TP73: variants seen among roughly 807,000 people sequenced by gnomAD.
TP73 encodes the protein p53-like transcription factor.
A neutral mutation model predicts 62.5 loss-of-function variants in TP73; 25 were observed. The ratio of observed to expected loss-of-function variants is 0.40; its 90% confidence interval spans 0.29 to 0.56. The LOEUF is 0.56. TP73 is among the 20% of genes least tolerant of loss of function. The probability of loss-of-function intolerance (pLI) is 0.46; values close to 1 mark genes in which losing one functional copy is unlikely to be tolerated. For missense variants in TP73, 754 were observed against 913.3 expected (o/e 0.83, Z 2.25); for synonymous variants, 423 against 377.5 (o/e 1.12, Z -1.40).
Position 3,699,947 on chromosome 1 carries a change from C to G in TP73, c.187-7602C>G, listed in dbSNP as rs754836527. Reference sequence around the variant, plus strand: ...GCATGGCCAGACCGTGGGCTCGGGCCCCAGTCTCCTGATCTCCGCCAAGCC... The same window carrying G: ...GCATGGCCAGACCGTGGGCTCGGGCGCCAGTCTCCTGATCTCCGCCAAGCC... On this transcript the variant is annotated intron_variant, in intron 3 of 13. Coordinates refer to ENST00000378295, the MANE Select transcript of TP73 (RefSeq NM_005427.4). This position sits in a 1 kb window ranked among gnomAD's most constrained non-coding sequence, Gnocchi z 4.1. Among the ~76,000 whole-genome samples, 21 of 152,076 alleles carry G rather than the reference C, an allele frequency of 1.4e-4. No individual in the cohort carries two copies. The highest frequency in any genetic ancestry group is 2.9e-4 in the Non-Finnish European group (20 of 67,988).
intron 4 of TP73, among the ~76,000 whole-genome samples, chr1:3,717,836 A>G (rs566433193): frequency 2.2e-4 from 33 of 152,240 alleles, no homozygotes; most frequent in African/African-American, 7.9e-4. Context: ...ATCCTCCCCG[A>G]GGCCACCCAG....
chr1:3,680,199 C>T (rs923454289), intron 1 of TP73, among the ~76,000 whole-genome samples: 3 of 152,222 alleles, frequency 2.0e-5, no homozygotes, highest in African/African-American at 7.2e-5. Context: ...ATGAGGTTTT[C>T]AGGTCTCACC....
chr1:3,660,067 G>C (rs1644957840), intron 1 of TP73, among the ~76,000 whole-genome samples: 1 of 152,202 alleles, frequency 6.6e-6, no homozygotes, highest in Non-Finnish European at 1.5e-5. Flanking sequence ...ATAGTAAGTG[G>C]CCAGCTAGGC....
At chr1:3,719,920 G>GTT (rs1640933729) in intron 4 of TP73, among the ~76,000 whole-genome samples, 1 of 150,026 alleles carries the variant, frequency 6.7e-6, no homozygotes, top group Admixed American at 6.6e-5. Flanking sequence ...GTGTGTGTGT[G>GTT]TGTGTGTGTG....
Position 3,683,196 on chromosome 1 carries a change from G to T in TP73, c.186+16G>T, listed in dbSNP as rs766034421. 1.3e-6 allele frequency: 2 copies of T among 1,594,652 alleles called. No homozygotes were observed. Among genetic ancestry groups the T allele is most frequent in the Admixed American group, 1.7e-5 (1 of 59,532 alleles). ...ATCTGTCATGGTGAGTGGGGGGGCT[G>T]CCCTCTGCAAGAGGACTGGAGTGGG... On this transcript the variant is annotated intron_variant, in intron 3 of 13. Transcript: ENST00000378295.
intron 8 of TP73, 130 bp from the exon 9 acceptor site, chr1:3,727,999 G>A (rs1641814990): frequency 1.7e-6 from 2 of 1,197,642 alleles, no homozygotes; most frequent in Non-Finnish European, 2.3e-6. Flanking sequence ...GTCCCTGTGG[G>A]TTGCTCACCA....
chr1:3,682,987 T>C, intron 2 of TP73, 73 bp from the exon 3 acceptor site: 1 of 1,537,606 alleles, frequency 6.5e-7, no homozygotes, highest in Non-Finnish European at 8.8e-7. Context: ...AGCCTTGAGC[T>C]CTGGGCCTGG....
intron 9 of TP73, among the ~76,000 whole-genome samples, chr1:3,728,827 G>A (rs1273453300): frequency 2.6e-5 from 4 of 152,164 alleles, no homozygotes; most frequent in East Asian, 3.9e-4. Context: ...TTAGCTGGGC[G>A]TGGTGGTGGC....
intron 10 of TP73, 175 bp downstream of exon 10, chr1:3,729,623 T>C: frequency 8.2e-7 from 1 of 1,221,106 alleles, no homozygotes; most frequent in Non-Finnish European, 1.2e-6. Context: ...CTTCTAGCAC[T>C]TGGGGCTGCC....
rs1409440815 is a variant in TP73 at position 3,696,858 on chromosome 1, G to T, written c.187-10691G>T. Among the ~76,000 whole-genome samples the T allele has an allele frequency of 6.6e-6, 1 of 152,124 alleles. No individual in the cohort carries two copies. The highest frequency in any genetic ancestry group is 2.4e-5 in the African/African-American group (1 of 41,424). On this transcript the variant is annotated intron_variant, in intron 3 of 13. Transcript: ENST00000378295. The surrounding 1 kb of genome is among the most constrained non-coding windows in gnomAD (Gnocchi z 4.1). ...ATCAGAGGAGCCACCCCACTCACCCGCCTGCTGTGCCTAGTGCACGCCCGC... is the reference window on the plus strand; with the variant it reads ...ATCAGAGGAGCCACCCCACTCACCCTCCTGCTGTGCCTAGTGCACGCCCGC...
intron 3 of TP73, among the ~76,000 whole-genome samples, chr1:3,707,167 C>A (rs1639726347): frequency 6.6e-6 from 1 of 152,174 alleles, no homozygotes; most frequent in African/African-American, 2.4e-5. Context: ...GCTGGATCTC[C>A]CCACTTTGAG....
At chr1:3,685,090 G>A (rs3765714) in intron 3 of TP73, among the ~76,000 whole-genome samples, 4,712 of 152,232 alleles carry the variant, frequency 0.031, 131 homozygotes, top group South Asian at 0.092. Flanking sequence ...TGTCCCCTGA[G>A]ATCCAGAAGC....
At chr1:3,727,247 G>C in intron 7 of TP73, 23 bp downstream of exon 7, 1 of 1,605,592 alleles carries the variant, frequency 6.2e-7, no homozygotes, top group Non-Finnish European at 8.5e-7. Context: ...CACACGGGGT[G>C]GAGGTGGGAC....
Position 3,709,105 on chromosome 1 carries a change from G to A in TP73, c.429+1314G>A, listed in dbSNP as rs372346780. ...AGACTGTCAGGCTCTGCAGGTAGCC[G>A]GACAGTCCTGCCGGGCTGGTCTGGG... On this transcript the variant is annotated intron_variant, in intron 4 of 13. Coordinates refer to ENST00000378295, the MANE Select transcript of TP73 (RefSeq NM_005427.4). 1.1e-4 allele frequency among the ~76,000 whole-genome samples: 16 copies of A among 152,316 alleles called. No homozygotes were observed. In the East Asian group the frequency reaches 2.1e-3, roughly 20 times the overall value.
chr1:3,668,164 T>C (rs1381852119), intron 1 of TP73, among the ~76,000 whole-genome samples: 1 of 151,346 alleles, frequency 6.6e-6, no homozygotes, highest in Non-Finnish European at 1.5e-5. Context: ...GGAGGAGGAG[T>C]GCCTGCCAGG....
At chr1:3,686,770 G>A (rs1235498336) in intron 3 of TP73, among the ~76,000 whole-genome samples, 3 of 152,158 alleles carry the variant, frequency 2.0e-5, no homozygotes, top group Non-Finnish European at 2.9e-5. Context: ...GGGGCTCCGA[G>A]GCCAGGTTTG....
rs1174282030 is a variant in TP73 at position 3,732,984 on chromosome 1, C to T, written c.1816C>T (p.Pro606Ser). ...IPNRGGPGGG[P>S]DEWADFGFDL... The stretch of plus-strand genomic sequence containing the variant: ...CAACCGCGGCGGCCCAGGCGGCGGC[C>T]CTGACGAGTGGGCGGACTTCGGCTT... Residue 606 changes from proline to serine, a missense_variant, in exon 14 of 14, where the codon CCT becomes TCT. Pro to Ser is a moderately conservative substitution (Grantham distance 74). Coordinates refer to ENST00000378295, the MANE Select transcript of TP73 (RefSeq NM_005427.4). 2.5e-6 allele frequency: 4 copies of T among 1,593,866 alleles called. No homozygotes were observed. Among genetic ancestry groups the T allele is most frequent in the Non-Finnish European group, 3.4e-6 (4 of 1,173,360 alleles).
intron 1 of TP73, among the ~76,000 whole-genome samples, chr1:3,679,264 G>A (rs1272531795): frequency 1.3e-5 from 2 of 152,184 alleles, no homozygotes; most frequent in Non-Finnish European, 2.9e-5. Flanking sequence ...CATGTCCCAG[G>A]CATAAGATCA....
chr1:3,704,885 G>A (rs1349812523), intron 3 of TP73, among the ~76,000 whole-genome samples: 5 of 152,188 alleles, frequency 3.3e-5, no homozygotes, highest in African/African-American at 1.2e-4. Context: ...GCAGCTCGCC[G>A]GTGCCCAGGG....
Sources: allele counts gnomAD v4.1 joint callset (sites outside exome capture counted in the v4.1 genomes callset), GRCh38; gene constraint gnomAD v4.1.1; non-coding constraint Gnocchi (gnomAD v3.1); transcripts MANE v1.5; gene names NCBI Gene and HGNC (gene_info 2026-07-23, HGNC 2026-07-21).